Variants in SOHLH2 observed in about 807,000 individuals in gnomAD.
SOHLH2 encodes the protein spermatogenesis- and oogenesis-specific basic helix-loop-helix-containing protein 2.
In SOHLH2, 22 loss-of-function variants were observed where a neutral mutation model predicts 50.4. The ratio of observed to expected loss-of-function variants is 0.44; its 90% CI spans 0.31 to 0.62. SOHLH2 has a LOEUF of 0.62. Among genes scored for constraint, SOHLH2 ranks in the 20% least tolerant of loss-of-function variants. SOHLH2 has a pLI of 0.08. For synonymous variants in SOHLH2, 185 were observed against 187.3 expected (o/e 0.99, Z 0.10); for missense variants, 412 against 504.4 (o/e 0.82, Z 1.76).
intron 6 of SOHLH2, among the ~76,000 whole-genome samples, chr13:36,184,827 G>A (rs900652183): frequency 2.6e-5 from 4 of 152,100 alleles, no homozygotes; most frequent in Non-Finnish European, 4.4e-5. Flanking sequence ...ATGCATACAT[G>A]TGCCATGGTG....
chr13:36,178,271 G>C (rs1270496307), intron 6 of SOHLH2, among the ~76,000 whole-genome samples: 2 of 151,530 alleles, frequency 1.3e-5, no homozygotes, highest in African/African-American at 4.8e-5. Flanking sequence ...GTACAGCTCT[G>C]AGTATGCTCC....
chr13:36,191,572 G>A (rs1887574098), intron 5 of SOHLH2, among the ~76,000 whole-genome samples: 1 of 152,080 alleles, frequency 6.6e-6, no homozygotes, highest in South Asian at 2.1e-4. Flanking sequence ...CCCCAATGAT[G>A]GGGAACTCAC....
At chr13:36,191,664 G>A (rs529571991) in intron 5 of SOHLH2, 131 bp downstream of exon 5, 2 of 1,000,580 alleles carry the variant, frequency 2.0e-6, no homozygotes, top group East Asian at 5.1e-5. Context: ...GAATACTTCT[G>A]TAATGTGTAC....
intron 1 of SOHLH2, among the ~76,000 whole-genome samples, chr13:36,206,781 G>A (rs1215574137): frequency 6.6e-6 from 1 of 151,530 alleles, no homozygotes; most frequent in East Asian, 1.9e-4. Flanking sequence ...TTATGGTTTT[G>A]TCAATCCATC....
intron 2 of SOHLH2, among the ~76,000 whole-genome samples, chr13:36,199,678 G>C (rs983630218): frequency 6.6e-6 from 1 of 152,062 alleles, no homozygotes; most frequent in Non-Finnish European, 1.5e-5. Flanking sequence ...TGTTACTCAG[G>C]GCAATAAAAG....
intron 2 of SOHLH2, among the ~76,000 whole-genome samples, chr13:36,194,363 T>C (rs1390622772): frequency 6.6e-6 from 1 of 152,202 alleles, no homozygotes; most frequent in African/African-American, 2.4e-5. Flanking sequence ...TAAGAAGTGA[T>C]TACTAATTTT....
chr13:36,201,990 C>T lies in SOHLH2; in HGVS notation c.152G>A (p.Ser51Asn). 1 of 1,614,214 alleles carries T rather than the reference C, an allele frequency of 6.2e-7. No homozygotes were observed. The highest frequency in any genetic ancestry group is 2.2e-5 in the East Asian group (1 of 44,880). Residue 51 changes from serine to asparagine, a missense_variant, in exon 2 of 11, where the codon AGT becomes AAT. Coordinates refer to ENST00000379881, the MANE Select transcript of SOHLH2 (RefSeq NM_017826.3). ...AAGCGCTGCTGCCTCCTTCGTGTCA[C>T]TGATGGTGATGGTGACTTCTGCTAT... ...ANIAEVTITI[S>N]DTKEAAALLD...
chr13:36,211,296 T>C (rs1869107278), intron 1 of SOHLH2, among the ~76,000 whole-genome samples: 1 of 152,220 alleles, frequency 6.6e-6, no homozygotes, highest in African/African-American at 2.4e-5. Context: ...AACTTTCTAT[T>C]AGTAAGGTTT....
In SOHLH2 at chr13:36,173,062, C is replaced by T. The variant is rs574502961; in HGVS notation, c.1000+630G>A. Among the ~76,000 whole-genome samples the T allele has an allele frequency of 2.6e-5, 4 of 152,228 alleles. No individual in the cohort carries two copies. The South Asian group carries it at 6.2e-4, about 24-fold the overall frequency. On this transcript the variant is annotated intron_variant, in intron 9 of 10. Transcript: ENST00000379881. ...CACATATAACAAAAATGCCTCCCAG[C>T]GGGAAAGCATTTGTTCCACAATGAA...
At chr13:36,185,196 C>T (rs545724054) in intron 6 of SOHLH2, among the ~76,000 whole-genome samples, 5 of 152,080 alleles carry the variant, frequency 3.3e-5, no homozygotes, top group South Asian at 4.2e-4. Context: ...AGGCCGGGCA[C>T]GATGGCTCAT....
intron 6 of SOHLH2, among the ~76,000 whole-genome samples, chr13:36,184,079 A>G (rs1397813369): frequency 6.6e-6 from 1 of 152,190 alleles, no homozygotes; most frequent in Non-Finnish European, 1.5e-5. Flanking sequence ...TGCATATAGA[A>G]CATTCATCAA....
At chr13:36,202,211 C>G in intron 1 of SOHLH2, 118 bp from the exon 2 acceptor site, 2 of 1,263,868 alleles carry the variant, frequency 1.6e-6, no homozygotes, top group Non-Finnish European at 2.2e-6. Flanking sequence ...GACTCCATAT[C>G]TAGTCTGACT....
At chr13:36,210,435 T>C (rs1479480150) in intron 1 of SOHLH2, among the ~76,000 whole-genome samples, 2 of 151,370 alleles carry the variant, frequency 1.3e-5, no homozygotes, top group East Asian at 1.9e-4. Context: ...CACATTTTAC[T>C]GTGTATTTTT....
At chr13:36,178,298 T>C (rs1404342753) in intron 6 of SOHLH2, among the ~76,000 whole-genome samples, 1 of 146,662 alleles carries the variant, frequency 6.8e-6, no homozygotes. Context: ...AAATAATTTT[T>C]TATATGGTGT....
At chr13:36,184,604 C>T (rs1476316402) in intron 6 of SOHLH2, among the ~76,000 whole-genome samples, 1 of 151,688 alleles carries the variant, frequency 6.6e-6, no homozygotes, top group Non-Finnish European at 1.5e-5. Context: ...GGACTACAGG[C>T]GCCTGCCACC....
At chr13:36,175,200 C>G (rs956171054) in intron 6 of SOHLH2, among the ~76,000 whole-genome samples, 9 of 152,246 alleles carry the variant, frequency 5.9e-5, no homozygotes, top group African/African-American at 1.4e-4. Context: ...CTTCCCACCC[C>G]CTGCTGCCTA....
At chr13:36,202,217 T>A in intron 1 of SOHLH2, 124 bp from the exon 2 acceptor site, 8 of 1,205,084 alleles carry the variant, frequency 6.6e-6, no homozygotes, top group Non-Finnish European at 8.0e-6. Context: ...ATATCTAGTC[T>A]GACTGGCTAG....
rs200010376 is a variant in SOHLH2 at position 36,173,815 on chromosome 13, A to T, written c.882-5T>A. ...GTGCTCATCACACTGTTTTCCCTTG[A>T]AAGGACAGAAAAAATTATTTGCACA... On this transcript the variant is annotated splice_region_variant and splice_polypyrimidine_tract_variant and intron_variant, in intron 8 of 10. Transcript: ENST00000379881. 50 of 1,613,892 alleles carry T rather than the reference A, an allele frequency of 3.1e-5. No individual in the cohort carries two copies. The highest frequency in any genetic ancestry group is 4.2e-5 in the Non-Finnish European group (49 of 1,179,932).
rs959243850 is a variant in SOHLH2, at chr13:36,173,289, A to G, written c.1000+403T>C. Among the ~76,000 whole-genome samples, 16 of 145,290 alleles carry G rather than the reference A, an allele frequency of 1.1e-4. No individual in the cohort carries two copies. The Admixed American group carries it at 1.1e-3, about 10-fold the overall frequency. On this transcript the variant is annotated intron_variant, in intron 9 of 10. Transcript: ENST00000379881. ...AGTGCTATCAAGACAAATACAGCAGAGAAAGTGGCTGAGAAGATCTCTTTG... is the reference window on the plus strand; with the variant it reads ...AGTGCTATCAAGACAAATACAGCAGGGAAAGTGGCTGAGAAGATCTCTTTG...
Sources: gnomAD v4.1 joint callset for allele counts (sites outside exome capture counted in the v4.1 genomes callset) on GRCh38, gnomAD v4.1.1 for gene constraint, MANE v1.5 for transcripts, NCBI Gene and HGNC (gene_info 2026-07-23, HGNC 2026-07-21) for gene names.